NOVA1: variants seen among roughly 807,000 people sequenced by gnomAD.
NOVA1 encodes the protein NOVA alternative splicing regulator 1.
Under a neutral mutation model 38.0 loss-of-function variants are expected in NOVA1, and 7 were observed. That is an observed-to-expected ratio of 0.18 (90% confidence interval 0.10 to 0.35). The LOEUF is 0.35. NOVA1 is among the 10% of genes least tolerant of loss of function. The pLI is 1.00. For synonymous variants in NOVA1, 270 were observed against 232.5 expected, an observed-to-expected ratio of 1.16 and a Z score of -1.47; for missense variants, 460 against 616.0, an observed-to-expected ratio of 0.75 and a Z score of 2.68.
chr14:26,462,995 T>C (rs1173517361), intron 4 of NOVA1, among the ~76,000 whole-genome samples: 2 of 152,204 alleles, frequency 1.3e-5, no homozygotes, highest in East Asian at 1.9e-4. Context: ...ACAAAGTTCT[T>C]TGACTATTAA....
At chr14:26,486,991 CTA>C (rs1172722363) in intron 2 of NOVA1, among the ~76,000 whole-genome samples, 2 of 151,996 alleles carry the variant, frequency 1.3e-5, no homozygotes, top group East Asian at 3.9e-4. Flanking sequence ...CCATAATAGT[CTA>C]TATATGATAA....
intron 1 of NOVA1, chr14:26,596,994 A>T (rs1387275433): frequency 7.2e-6 from 9 of 1,247,808 alleles, no homozygotes; most frequent in Non-Finnish European, 8.1e-6. Flanking sequence ...CTTCTTGCCC[A>T]GGTCTAGGAT....
At chr14:26,534,284 T>C (rs371714993) in intron 2 of NOVA1, among the ~76,000 whole-genome samples, 1 of 152,202 alleles carries the variant, frequency 6.6e-6, no homozygotes, top group South Asian at 2.1e-4. Flanking sequence ...AGTACATAAA[T>C]ACAACAAAAC....
intron 4 of NOVA1, among the ~76,000 whole-genome samples, chr14:26,459,163 G>C (rs1318734692): frequency 2.0e-5 from 3 of 151,746 alleles, no homozygotes; most frequent in African/African-American, 7.3e-5. Flanking sequence ...TTCTATTCAT[G>C]GTTAGTTCCC....
intron 2 of NOVA1, among the ~76,000 whole-genome samples, chr14:26,587,698 G>C (rs1893612500): frequency 6.6e-6 from 1 of 150,906 alleles, no homozygotes; most frequent in Admixed American, 6.6e-5. Flanking sequence ...TTCAAAACCA[G>C]GTATTTCAAG....
At chr14:26,580,702 T>C (rs951237031) in intron 2 of NOVA1, among the ~76,000 whole-genome samples, 27 of 151,876 alleles carry the variant, frequency 1.8e-4, no homozygotes, top group African/African-American at 6.5e-4. Context: ...TATTTTAAAA[T>C]AGAATGTTTA....
At chr14:26,497,765 A>T (rs1020231846) in intron 2 of NOVA1, among the ~76,000 whole-genome samples, 1 of 152,200 alleles carries the variant, frequency 6.6e-6, no homozygotes, top group Non-Finnish European at 1.5e-5. Flanking sequence ...AGGAGTACAA[A>T]TCAAACTTCC....
intron 4 of NOVA1, among the ~76,000 whole-genome samples, chr14:26,465,418 G>A (rs564364353): frequency 6.6e-4 from 101 of 152,180 alleles, no homozygotes; most frequent in Middle Eastern, 6.8e-3. Context: ...TGATCCACTC[G>A]CCTCGGCCTC....
chr14:26,594,807 T>C (rs1286137877), intron 2 of NOVA1, among the ~76,000 whole-genome samples: 1 of 152,098 alleles, frequency 6.6e-6, no homozygotes, highest in East Asian at 1.9e-4. Flanking sequence ...CAAATTTAGC[T>C]CTTAAGTTAA....
Position 26,472,367 on chromosome 14 carries a change from T to C in NOVA1, c.472A>G (p.Thr158Ala), listed in dbSNP as rs1168402540. 1 of 1,560,980 alleles carries C rather than the reference T, an allele frequency of 6.4e-7. No individual in the cohort carries two copies. The highest frequency in any genetic ancestry group is 2.3e-5 in the East Asian group (1 of 43,370). Residue 158 changes from threonine to alanine, a missense_variant, in exon 4 of 5, where the codon ACC (threonine) becomes GCC (alanine). Coordinates refer to ENST00000539517, the MANE Select transcript of NOVA1 (RefSeq NM_002515.3). ...ATGGGATCAGATGGAGAGGACTTGG[T>C]GGTAGTTGGGGAAGATGGCAATGTC... ...KQTLPSSPTTTKSSPSDPMTT... is the reference protein window; with the variant it reads ...KQTLPSSPTTAKSSPSDPMTT...
At chr14:26,463,589 G>T (rs1353416259) in intron 4 of NOVA1, among the ~76,000 whole-genome samples, 1 of 152,098 alleles carries the variant, frequency 6.6e-6, no homozygotes, top group Non-Finnish European at 1.5e-5. Flanking sequence ...ACTGTCATGT[G>T]TTCAAGATAT....
chr14:26,573,543 C>A (rs1594560866), intron 2 of NOVA1, among the ~76,000 whole-genome samples: 1 of 151,918 alleles, frequency 6.6e-6, no homozygotes. Context: ...AGATAAGAAT[C>A]TGAAAAAGAT....
At chr14:26,576,876 A>G (rs1324669382) in intron 2 of NOVA1, among the ~76,000 whole-genome samples, 1 of 151,996 alleles carries the variant, frequency 6.6e-6, no homozygotes, top group African/African-American at 2.4e-5. Context: ...TGATAAGAGC[A>G]TGTAAAATCT....
At chr14:26,580,775 G>T (rs1466223808) in intron 2 of NOVA1, among the ~76,000 whole-genome samples, 2 of 151,786 alleles carry the variant, frequency 1.3e-5, no homozygotes, top group African/African-American at 2.4e-5. Flanking sequence ...ATAGGTCAGA[G>T]CTTTGGCATT....
In NOVA1 at chr14:26,492,543, C is replaced by T. The variant is rs545539059; in HGVS notation, c.281-12400G>A. ...ACAAAAAATGTGTAATGTTTTATCA[C>T]GAAAAAAATTACAAACCTATCATTA... On this transcript the variant is annotated intron_variant, in intron 2 of 4. Coordinates refer to ENST00000539517, the MANE Select transcript of NOVA1 (RefSeq NM_002515.3). 1.3e-3 allele frequency among the ~76,000 whole-genome samples: 196 copies of T among 152,114 alleles called. 2 individuals carry two copies. Among genetic ancestry groups the T allele is most frequent in the Non-Finnish European group, 2.3e-3 (156 of 68,002 alleles).
intron 2 of NOVA1, among the ~76,000 whole-genome samples, chr14:26,586,905 T>A (rs998057168): frequency 1.4e-5 from 2 of 147,998 alleles, no homozygotes; most frequent in Admixed American, 6.8e-5. Flanking sequence ...GGCCATCATC[T>A]CAGTTTTTTT....
intron 2 of NOVA1, among the ~76,000 whole-genome samples, chr14:26,539,702 ATGT>A: frequency 6.6e-6 from 1 of 152,156 alleles, no homozygotes; most frequent in Non-Finnish European, 1.5e-5. Context: ...TGCATTTAAA[ATGT>A]TATTTTTATA....
At chr14:26,510,526 A>C (rs1237998897) in intron 2 of NOVA1, among the ~76,000 whole-genome samples, 1 of 152,212 alleles carries the variant, frequency 6.6e-6, no homozygotes, top group Non-Finnish European at 1.5e-5. Flanking sequence ...CTCTTTTAAA[A>C]GGCTCCCACA....
chr14:26,588,193 A>C (rs1893643973), intron 2 of NOVA1, among the ~76,000 whole-genome samples: 1 of 151,248 alleles, frequency 6.6e-6, no homozygotes, highest in African/African-American at 2.4e-5. Context: ...AGGTAAAAAA[A>C]AAAACACTAC....
Sources: gnomAD v4.1 joint callset for allele counts (sites outside exome capture counted in the v4.1 genomes callset) on GRCh38, gnomAD v4.1.1 for gene constraint, MANE v1.5 for transcripts, NCBI Gene and HGNC (gene_info 2026-07-23, HGNC 2026-07-21) for gene names.